Variants in IGF1R observed in about 807,000 individuals in gnomAD.
IGF1R encodes the protein insulin like growth factor 1 receptor.
IGF1R carries 44 observed loss-of-function variants against 144.6 expected under a neutral mutation model. The ratio of observed to expected loss-of-function variants is 0.30; its 90% CI spans 0.24 to 0.39. IGF1R has a LOEUF of 0.39. IGF1R is among the 10% of genes least tolerant of loss of function. IGF1R has a pLI of 1.00. For synonymous variants in IGF1R, 795 were observed against 722.8 expected (o/e 1.10, Z -1.60); for missense variants, 1,355 against 1,833.7 (o/e 0.74, Z 4.77).
rs1323817681 is a variant in IGF1R, at chr15:98,964,195, T to G, written c.*6753T>G. 1.3e-5 allele frequency: 3 copies of G among 232,762 alleles called. No individual in the cohort carries two copies. The highest frequency in any genetic ancestry group is 2.5e-5 in the Non-Finnish European group (3 of 117,678). 14.4% of individuals were successfully genotyped at this position (232,762 alleles called of 1,614,324 possible). A position where few individuals can be genotyped will look rare whatever the true frequency, so the allele number is the denominator to read the frequency against. ...ACCGCAAATAATGCATTTTCTGAGT[T>G]TTCTTGTTAAAAAAAAATTTTTTTA... is the stretch of plus-strand genomic sequence containing the variant. On this transcript the variant is annotated 3_prime_UTR_variant, in exon 21 of 21. Transcript: ENST00000650285.
At chr15:98,796,129 T>G (rs2141425238) in intron 2 of IGF1R, among the ~76,000 whole-genome samples, 1 of 151,542 alleles carries the variant, frequency 6.6e-6, no homozygotes, top group East Asian at 2.0e-4. Context: ...GGGAGCGAAG[T>G]GGCCAGCAGG....
In IGF1R at chr15:98,708,055, C is replaced by G. The variant is rs139571991; in HGVS notation, c.588C>G (p.Thr196=). The change falls in exon 2 of 21, where the codon ACC becomes ACG. Residue 196 remains threonine, a synonymous_variant. Coordinates refer to ENST00000650285, the MANE Select transcript of IGF1R (RefSeq NM_000875.5). ...AGAAGCCGATGTGTGAGAAGACCAC[C>G]ATCAACAATGAGTACAACTACCGCT... ...MEEKPMCEKT[T]INNEYNYRCW... 74 of 1,613,912 alleles carry G rather than the reference C, an allele frequency of 4.6e-5. No homozygotes were observed. In the African/African-American group the frequency reaches 8.1e-4, roughly 18 times the overall value.
chr15:98,962,875 A>G lies in IGF1R; in HGVS notation c.*5433A>G, dbSNP rs2017279182. On this transcript the variant is annotated 3_prime_UTR_variant, in exon 21 of 21. Coordinates refer to ENST00000650285, the MANE Select transcript of IGF1R (RefSeq NM_000875.5). ...TGTTCAAGAACACAAACTACATCGCACTCGTCAGTTGTCAGTTCTGGGGCA... is the reference window on the plus strand; with the variant it reads ...TGTTCAAGAACACAAACTACATCGCGCTCGTCAGTTGTCAGTTCTGGGGCA... 4.3e-6 allele frequency: 1 copy of G among 233,498 alleles called. No homozygotes were observed. Among genetic ancestry groups the G allele is most frequent in the African/African-American group, 2.2e-5 (1 of 45,288 alleles). 14.5% of individuals were successfully genotyped at this position (233,498 alleles called of 1,614,324 possible).
chr15:98,736,442 G>C (rs1445220964), intron 2 of IGF1R, among the ~76,000 whole-genome samples: 1 of 152,072 alleles, frequency 6.6e-6, no homozygotes, highest in Non-Finnish European at 1.5e-5. Flanking sequence ...TTCTCTTTCA[G>C]TTTTATGGGG....
chr15:98,716,936 G>C (rs151285117), intron 2 of IGF1R, among the ~76,000 whole-genome samples: 1 of 152,120 alleles, frequency 6.6e-6, no homozygotes, highest in Non-Finnish European at 1.5e-5. Context: ...TGTGGAGTCC[G>C]TGGGGGCAGA....
At chr15:98,649,707 C>T in intron 1 of IGF1R, 32 bp downstream of exon 1, 1 of 1,532,192 alleles carries the variant, frequency 6.5e-7, no homozygotes, top group Non-Finnish European at 9.0e-7. Flanking sequence ...GCGGCCACTG[C>T]GGGAACTTTT....
chr15:98,861,921 G>A (rs192485984), intron 2 of IGF1R, among the ~76,000 whole-genome samples: 4 of 152,306 alleles, frequency 2.6e-5, no homozygotes, highest in Admixed American at 2.6e-4. Context: ...AAATAAAAAT[G>A]GTAGCTTTTC....
At chr15:98,838,166 A>C (rs985484346) in intron 2 of IGF1R, among the ~76,000 whole-genome samples, 1 of 152,182 alleles carries the variant, frequency 6.6e-6, no homozygotes, top group African/African-American at 2.4e-5. Flanking sequence ...ATTTTCTTCC[A>C]TCAGTGGGAC....
chr15:98,740,560 C>G (rs1210752990), intron 2 of IGF1R, among the ~76,000 whole-genome samples: 1 of 152,088 alleles, frequency 6.6e-6, no homozygotes, highest in Admixed American at 6.6e-5. Context: ...TACAAGAAAT[C>G]GATGTGTCTG....
chr15:98,685,331 G>GGAT (rs1238499056), intron 1 of IGF1R, among the ~76,000 whole-genome samples: 3 of 152,188 alleles, frequency 2.0e-5, no homozygotes, highest in African/African-American at 7.2e-5. Flanking sequence ...TGGACACGCT[G>GGAT]GATGGTAGAT....
intron 2 of IGF1R, among the ~76,000 whole-genome samples, chr15:98,742,475 G>T (rs892786195): frequency 6.6e-6 from 1 of 152,064 alleles, no homozygotes; most frequent in African/African-American, 2.4e-5. Context: ...ATCTTTACGC[G>T]GGTGGAGGAG....
In IGF1R at chr15:98,847,988, G is replaced by T. The variant is rs573284947; in HGVS notation, c.641-43337G>T. Among the ~76,000 whole-genome samples the T allele has an allele frequency of 1.4e-4, 22 of 152,226 alleles. No individual in the cohort carries two copies. The South Asian group carries it at 1.5e-3, about 10-fold the overall frequency. On this transcript the variant is annotated intron_variant, in intron 2 of 20. Coordinates refer to ENST00000650285, the MANE Select transcript of IGF1R (RefSeq NM_000875.5). ...GATATAACCGGGCCCTGGGACCATT[G>T]CTGGGCTCAGTTACTGGCCAGGAGC...
chr15:98,949,452 C>T (rs2016688147), intron 20 of IGF1R, among the ~76,000 whole-genome samples: 1 of 149,304 alleles, frequency 6.7e-6, no homozygotes, highest in Admixed American at 6.7e-5. Context: ...GATCTTGGCT[C>T]ACTGCAACCT....
chr15:98,871,074 A>C (rs936328574), intron 2 of IGF1R, among the ~76,000 whole-genome samples: 3 of 152,232 alleles, frequency 2.0e-5, no homozygotes, highest in African/African-American at 7.2e-5. Context: ...TTTCAATCAG[A>C]AAACAGCCTG....
rs566608596 is a variant in IGF1R, at chr15:98,902,191, G to A, written c.1247+2570G>A. Reference sequence around the variant, plus strand: ...ACCCCCACCCCAATTCAATAGGAGCGTTTGGGGTTAGGATCCAGGAATCAG... The same window carrying A: ...ACCCCCACCCCAATTCAATAGGAGCATTTGGGGTTAGGATCCAGGAATCAG... On this transcript the variant is annotated intron_variant, in intron 5 of 20. Transcript: ENST00000650285. Among the ~76,000 whole-genome samples the A allele has an allele frequency of 6.6e-5, 10 of 152,210 alleles. No individual in the cohort carries two copies. In the East Asian group the frequency reaches 7.7e-4, roughly 12 times the overall value.
At chr15:98,763,576 T>C (rs1390533775) in intron 2 of IGF1R, among the ~76,000 whole-genome samples, 2 of 152,108 alleles carry the variant, frequency 1.3e-5, no homozygotes, top group Non-Finnish European at 2.9e-5. Flanking sequence ...GTAAACCGTG[T>C]TAACAGGTAG....
At chr15:98,955,761 C>A (rs1046249190) in intron 20 of IGF1R, among the ~76,000 whole-genome samples, 1 of 152,244 alleles carries the variant, frequency 6.6e-6, no homozygotes, top group Non-Finnish European at 1.5e-5. Flanking sequence ...GGAATGTTCC[C>A]TGAAGGCCAG....
At position 98,674,977 on chromosome 15, in the gene IGF1R, A is replaced by ATTTTTTTTTTTTTTTTTTTTTTTT. The variant is rs71149408; in HGVS notation, c.94+25303_94+25326dup. Among the ~76,000 whole-genome samples, 9 of 98,890 alleles carry ATTTTTTTTTTTTTTTTTTTTTTTT rather than the reference A, an allele frequency of 9.1e-5. 1 individual carries two copies. Among genetic ancestry groups the ATTTTTTTTTTTTTTTTTTTTTTTT allele is most frequent in the African/African-American group, 3.8e-4 (9 of 23,946 alleles). The allele number at this position is 98,890 out of a possible 152,430, so 64.9% of individuals were successfully genotyped here. A position where few individuals can be genotyped will look rare whatever the true frequency, so the allele number is the denominator to read the frequency against. ...AAATGCTAAATTTAGGTATTTTACA[A>ATTTTTTTTTTTTTTTTTTTTTTTT]TTTTTTTTTTTTTTTTTTTTTTTTG... On this transcript the variant is annotated intron_variant, in intron 1 of 20. Coordinates refer to ENST00000650285, the MANE Select transcript of IGF1R (RefSeq NM_000875.5).
At position 98,701,918 on chromosome 15, in the gene IGF1R, G is replaced by C. The variant is rs529238300; in HGVS notation, c.95-5644G>C. On this transcript the variant is annotated intron_variant, in intron 1 of 20. Transcript: ENST00000650285. Reference sequence around the variant, plus strand: ...CCTGATTCTTATGCCAGCTTCTATAGGGTAGGTAGTGACAGCCCATTTTGC... The same window carrying C: ...CCTGATTCTTATGCCAGCTTCTATACGGTAGGTAGTGACAGCCCATTTTGC... Among the ~76,000 whole-genome samples, 3 of 152,194 alleles carry C rather than the reference G, an allele frequency of 2.0e-5. No homozygotes were observed. The East Asian group carries it at 5.8e-4, about 29-fold the overall frequency.
Sources: gnomAD v4.1 joint callset for allele counts (sites outside exome capture counted in the v4.1 genomes callset) on GRCh38, gnomAD v4.1.1 for gene constraint, MANE v1.5 for transcripts, NCBI Gene and HGNC (gene_info 2026-07-23, HGNC 2026-07-21) for gene names.